The following SV2C variants were observed in gnomAD, a reference collection of about 807,000 sequenced individuals.
SV2C encodes the protein solute carrier family 22 member B3.
In SV2C, 49 loss-of-function variants were observed where a neutral mutation model predicts 79.7. That is an observed-to-expected ratio of 0.61 (90% confidence interval 0.49 to 0.78). The LOEUF is 0.78. Among genes scored for constraint, SV2C ranks in the 30% least tolerant of loss-of-function variants. The pLI is 0.00. For missense variants in SV2C, 833 were observed against 912.9 expected, an observed-to-expected ratio of 0.91 and a Z score of 1.13; for synonymous variants, 334 against 333.2, an observed-to-expected ratio of 1.00 and a Z score of -0.03.
chr5:76,318,373 G>T (rs532173783), intron 12 of SV2C, among the ~76,000 whole-genome samples: 14 of 151,470 alleles, frequency 9.2e-5, no homozygotes, highest in Middle Eastern at 3.4e-3. Flanking sequence ...AGCCGAGATC[G>T]TGCCACTGCA....
chr5:76,324,393 T>C (rs1748920784), intron 12 of SV2C, among the ~76,000 whole-genome samples: 1 of 152,236 alleles, frequency 6.6e-6, no homozygotes, highest in Non-Finnish European at 1.5e-5. Context: ...AATTTTTCTA[T>C]ATCACCCTCT....
chr5:76,120,915 C>T (rs1170216225), intron 1 of SV2C, among the ~76,000 whole-genome samples: 3 of 151,074 alleles, frequency 2.0e-5, no homozygotes, highest in Non-Finnish European at 2.9e-5. Flanking sequence ...ATGGTATTTC[C>T]AGTTCTAGAT....
the SV2C span, among the ~76,000 whole-genome samples, chr5:75,984,555 A>ATATCTATCTG: frequency 8.4e-6 from 1 of 118,988 alleles, no homozygotes; most frequent in African/African-American, 3.6e-5. Context: ...CTATCTATCT[A>ATATCTATCTG]TCTATCTATC....
At chr5:75,875,096 G>T in the SV2C span, among the ~76,000 whole-genome samples, 2 of 151,950 alleles carry the variant, frequency 1.3e-5, no homozygotes. Flanking sequence ...AATTCATATG[G>T]AACCAAAAAA....
At chr5:76,186,776 C>T (rs1561255241) in intron 2 of SV2C, among the ~76,000 whole-genome samples, 2 of 125,886 alleles carry the variant, frequency 1.6e-5, no homozygotes, top group Non-Finnish European at 1.6e-5. Context: ...TGGTGGAAGG[C>T]ACCTCTTCAC....
the SV2C span, among the ~76,000 whole-genome samples, chr5:75,900,735 A>G: frequency 6.6e-6 from 1 of 151,968 alleles, no homozygotes; most frequent in Non-Finnish European, 1.5e-5. Context: ...TCAGATGTAG[A>G]TTTGGTCTTT....
chr5:75,914,456 GTGGGAACAGAAGTAAT>G, the SV2C span, among the ~76,000 whole-genome samples: 1,257 of 152,252 alleles, frequency 8.3e-3, 22 homozygotes, highest in African/African-American at 0.029. Flanking sequence ...AGCTCCACAG[GTGGGAACAGAAGTAAT>G]AGGTTGTGTC....
intron 10 of SV2C, among the ~76,000 whole-genome samples, chr5:76,299,288 CAT>C (rs1375529763): frequency 3.3e-5 from 5 of 152,246 alleles, no homozygotes; most frequent in African/African-American, 1.2e-4. Flanking sequence ...AGATAGACAA[CAT>C]GTGGCTATGC....
chr5:76,028,512 G>A, the SV2C span, among the ~76,000 whole-genome samples: 1 of 152,180 alleles, frequency 6.6e-6, no homozygotes, highest in Non-Finnish European at 1.5e-5. Flanking sequence ...GTTTCTTATA[G>A]CACAAATGAA....
At chr5:76,323,078 C>T (rs1156259027) in intron 12 of SV2C, among the ~76,000 whole-genome samples, 2 of 152,196 alleles carry the variant, frequency 1.3e-5, no homozygotes, top group Non-Finnish European at 2.9e-5. Flanking sequence ...GCAAAAGAAA[C>T]TGTCATCAGA....
chr5:75,993,891 A>G, the SV2C span, among the ~76,000 whole-genome samples: 6 of 152,098 alleles, frequency 3.9e-5, no homozygotes, highest in Non-Finnish European at 8.8e-5. Flanking sequence ...TCCTGGGCCA[A>G]TAGCCAGAAA....
At chr5:76,171,738 C>T (rs1348645239) in intron 2 of SV2C, among the ~76,000 whole-genome samples, 2 of 139,580 alleles carry the variant, frequency 1.4e-5, no homozygotes, top group East Asian at 2.5e-4. Context: ...CCTGGCCAGC[C>T]GTGCCGTCCG....
At chr5:76,037,509 G>A in the SV2C span, among the ~76,000 whole-genome samples, 5 of 152,304 alleles carry the variant, frequency 3.3e-5, no homozygotes, top group East Asian at 7.7e-4. Context: ...CCGGCCGTGT[G>A]AGGTGTCAAT....
chr5:75,921,653 C>A, the SV2C span: 4 of 720,486 alleles, frequency 5.6e-6, no homozygotes, highest in East Asian at 1.4e-4. Context: ...CTGGCCAATG[C>A]GGGGGCCCCC....
chr5:75,930,344 G>C, the SV2C span, among the ~76,000 whole-genome samples: 2 of 152,184 alleles, frequency 1.3e-5, no homozygotes, highest in Non-Finnish European at 2.9e-5. Context: ...GTTACCAATT[G>C]TAAATTTTAA....
chr5:76,097,926 A>G lies in SV2C; in HGVS notation c.-102+14414A>G, dbSNP rs914793147. Reference sequence around the variant, plus strand: ...CTACCTACAGAGATGGGTGATCTGGAGAAAATGTGCAAGCGTTTACCATAA... The same window carrying G: ...CTACCTACAGAGATGGGTGATCTGGGGAAAATGTGCAAGCGTTTACCATAA... On this transcript the variant is annotated intron_variant, in intron 1 of 12. Transcript: ENST00000502798. Among the ~76,000 whole-genome samples, 5 of 152,026 alleles carry G rather than the reference A, an allele frequency of 3.3e-5. No homozygotes were observed. In the East Asian group the frequency reaches 9.7e-4, roughly 29 times the overall value.
intron 4 of SV2C, among the ~76,000 whole-genome samples, chr5:76,256,178 G>GGC (rs1277413115): frequency 2.6e-5 from 4 of 152,162 alleles, no homozygotes; most frequent in African/African-American, 9.7e-5. Context: ...TAGAGGGTGG[G>GGC]GCTGGCCTTC....
the SV2C span, among the ~76,000 whole-genome samples, chr5:76,015,460 A>G: frequency 6.6e-6 from 1 of 152,150 alleles, no homozygotes; most frequent in African/African-American, 2.4e-5. Flanking sequence ...TTCCCTACCC[A>G]CAATGCCACT....
chr5:76,114,583 T>C (rs1371712557), intron 1 of SV2C, among the ~76,000 whole-genome samples: 1 of 152,238 alleles, frequency 6.6e-6, no homozygotes, highest in Non-Finnish European at 1.5e-5. Flanking sequence ...GCATTAAAAC[T>C]CTGCAAGTAT....
Sources: allele counts gnomAD v4.1 joint callset (sites outside exome capture counted in the v4.1 genomes callset), GRCh38; gene constraint gnomAD v4.1.1; transcripts MANE v1.5; gene names NCBI Gene and HGNC (gene_info 2026-07-23, HGNC 2026-07-21).